SPOCK3: variants seen among roughly 807,000 people sequenced by gnomAD.
SPOCK3 encodes the protein SPARC (osteonectin), cwcv and kazal like domains proteoglycan 3, also known as testican-3.
SPOCK3 carries 30 observed loss-of-function variants against 56.6 expected under a neutral mutation model. The observed-to-expected ratio is 0.53, with a 90% CI of 0.40 to 0.72. The LOEUF (loss-of-function observed/expected upper bound fraction) is 0.72. Among genes scored for constraint, SPOCK3 ranks in the 30% least tolerant of loss-of-function variants. The pLI, the probability that SPOCK3 is intolerant of heterozygous loss-of-function variation, is 0.00. For synonymous variants in SPOCK3, 196 were observed against 183.3 expected (o/e 1.07, Z -0.56); for missense variants, 527 against 530.0 (o/e 0.99, Z 0.06).
chr4:166,793,352 A>G (rs1741559510), intron 6 of SPOCK3, among the ~76,000 whole-genome samples: 1 of 152,200 alleles, frequency 6.6e-6, no homozygotes, highest in Non-Finnish European at 1.5e-5. Flanking sequence ...AAGTAGGGGT[A>G]TCCAATATTT....
At chr4:167,171,669 C>T (rs757711949) in intron 2 of SPOCK3, among the ~76,000 whole-genome samples, 5 of 151,464 alleles carry the variant, frequency 3.3e-5, no homozygotes, top group Admixed American at 6.6e-5. Flanking sequence ...CAAAACAAAC[C>T]CTAGGGAAGT....
chr4:166,911,739 T>G (rs758923191), intron 5 of SPOCK3, among the ~76,000 whole-genome samples: 1 of 152,022 alleles, frequency 6.6e-6, no homozygotes, highest in Non-Finnish European at 1.5e-5. Flanking sequence ...GGTTTCACCA[T>G]GTTGGCCAGG....
chr4:166,980,501 A>T (rs1372282679), intron 4 of SPOCK3, among the ~76,000 whole-genome samples: 3 of 152,190 alleles, frequency 2.0e-5, no homozygotes, highest in East Asian at 3.9e-4. Context: ...CACTGGGCTC[A>T]TTCCACCCAC....
intron 10 of SPOCK3, among the ~76,000 whole-genome samples, chr4:166,735,614 C>T (rs1734140494): frequency 6.6e-6 from 1 of 151,828 alleles, no homozygotes; most frequent in Non-Finnish European, 1.5e-5. Flanking sequence ...AAATGTTTTC[C>T]AGATAGAGTG....
At chr4:166,977,473 C>G (rs1179686285) in intron 4 of SPOCK3, among the ~76,000 whole-genome samples, 1 of 152,068 alleles carries the variant, frequency 6.6e-6, no homozygotes, top group East Asian at 1.9e-4. Flanking sequence ...TGTTCATAAT[C>G]ATAGCATTCT....
chr4:167,225,604 T>C (rs1322430772), intron 2 of SPOCK3, among the ~76,000 whole-genome samples: 1 of 152,056 alleles, frequency 6.6e-6, no homozygotes, highest in Non-Finnish European at 1.5e-5. Flanking sequence ...TGAATATATA[T>C]GAAAAATGAT....
intron 2 of SPOCK3, among the ~76,000 whole-genome samples, chr4:167,189,451 C>T (rs1465401389): frequency 6.9e-6 from 1 of 145,436 alleles, no homozygotes; most frequent in Non-Finnish European, 1.5e-5. Context: ...TAAAGGCATT[C>T]ATCAGTCCAA....
chr4:167,168,727 A>C (rs1580499588), intron 2 of SPOCK3, among the ~76,000 whole-genome samples: 1 of 152,298 alleles, frequency 6.6e-6, no homozygotes, highest in South Asian at 2.1e-4. Flanking sequence ...AATTTGCGTA[A>C]GTAACAAGGA....
chr4:166,979,643 C>T (rs1746361358), intron 4 of SPOCK3, among the ~76,000 whole-genome samples: 1 of 152,156 alleles, frequency 6.6e-6, no homozygotes, highest in Non-Finnish European at 1.5e-5. Context: ...TATCATCTTC[C>T]TACTTCACTG....
At chr4:167,006,155 T>C (rs1184830344) in intron 3 of SPOCK3, among the ~76,000 whole-genome samples, 1 of 152,182 alleles carries the variant, frequency 6.6e-6, no homozygotes, top group African/African-American at 2.4e-5. Flanking sequence ...TTCTGAAACA[T>C]GTTAGCATCT....
intron 2 of SPOCK3, among the ~76,000 whole-genome samples, chr4:167,095,037 G>A (rs1462080983): frequency 1.3e-5 from 2 of 152,120 alleles, no homozygotes; most frequent in African/African-American, 4.8e-5. Context: ...TCAGTCAGAG[G>A]AAGGCATTCT....
At chr4:166,891,746 T>A (rs1000102506) in intron 5 of SPOCK3, among the ~76,000 whole-genome samples, 3 of 152,136 alleles carry the variant, frequency 2.0e-5, no homozygotes, top group Non-Finnish European at 4.4e-5. Flanking sequence ...GTATCTTCTG[T>A]TAACTTAATA....
intron 6 of SPOCK3, among the ~76,000 whole-genome samples, chr4:166,840,797 T>TTTTTTTTTTTG (rs1245413169): frequency 7.7e-6 from 1 of 130,478 alleles, no homozygotes; most frequent in Non-Finnish European, 1.7e-5. Context: ...TTTTTTTTTT[T>TTTTTTTTTTTG]AGATGCAGTC....
intron 2 of SPOCK3, among the ~76,000 whole-genome samples, chr4:167,199,733 T>C (rs1733335946): frequency 7.2e-6 from 1 of 139,104 alleles, no homozygotes; most frequent in African/African-American, 2.7e-5. Flanking sequence ...ATAATAATAA[T>C]AATAACTTTA....
intron 4 of SPOCK3, among the ~76,000 whole-genome samples, chr4:166,917,522 T>C (rs1737994351): frequency 1.3e-5 from 2 of 152,178 alleles, no homozygotes; most frequent in South Asian, 4.1e-4. Flanking sequence ...GGAGTAAATG[T>C]ATGACTTTCA....
chr4:166,881,954 T>C (rs971157343), intron 6 of SPOCK3, among the ~76,000 whole-genome samples: 16 of 152,206 alleles, frequency 1.1e-4, no homozygotes, highest in Non-Finnish European at 1.6e-4. Context: ...TTAATATTGG[T>C]ACAAGTAAAT....
intron 7 of SPOCK3, among the ~76,000 whole-genome samples, chr4:166,781,994 AT>A (rs1740233179): frequency 3.3e-5 from 5 of 152,186 alleles, no homozygotes; most frequent in Admixed American, 3.3e-4. Context: ...ATCTTTACAC[AT>A]TTATGGGATA....
chr4:167,081,964 T>A (rs1757745083), intron 2 of SPOCK3, among the ~76,000 whole-genome samples: 1 of 152,070 alleles, frequency 6.6e-6, no homozygotes, highest in Non-Finnish European at 1.5e-5. Context: ...GTTCCTCCCA[T>A]GAATTCTTCA....
intron 3 of SPOCK3, among the ~76,000 whole-genome samples, chr4:167,028,398 CAACAACAA>C (rs908451852): frequency 2.2e-5 from 3 of 137,002 alleles, no homozygotes; most frequent in African/African-American, 9.2e-5. Flanking sequence ...ACAACAACAA[CAACAACAA>C]AAGAATAATC....
Sources: gnomAD v4.1 joint callset for allele counts (sites outside exome capture counted in the v4.1 genomes callset) on GRCh38, gnomAD v4.1.1 for gene constraint, MANE v1.5 for transcripts, NCBI Gene and HGNC (gene_info 2026-07-23, HGNC 2026-07-21) for gene names.